Variants in YWHAE observed in about 807,000 individuals in gnomAD.
YWHAE encodes the protein tyrosine 3-monooxygenase/tryptophan 5-monooxygenase activation protein epsilon, also known as 14-3-3 protein epsilon.
In YWHAE, 4 loss-of-function variants were observed where a neutral mutation model predicts 30.1. That is an observed-to-expected ratio of 0.13 (90% confidence interval 0.07 to 0.30). The LOEUF (loss-of-function observed/expected upper bound fraction) is 0.30, where lower values mean the gene tolerates loss of function less well. Among genes scored for constraint, YWHAE ranks in the 10% least tolerant of loss-of-function variants. The probability of loss-of-function intolerance (pLI) is 1.00; values close to 1 mark genes in which losing one functional copy is unlikely to be tolerated. For synonymous variants in YWHAE, 118 were observed against 111.8 expected (o/e 1.06, Z -0.35); for missense variants, 121 against 315.9 (o/e 0.38, Z 4.68).
At chr17:1,363,770 C>G (rs1315641716) in intron 2 of YWHAE, among the ~76,000 whole-genome samples, 1 of 151,986 alleles carries the variant, frequency 6.6e-6, no homozygotes. Context: ...GTGGTTCCCC[C>G]ACCCTTCCCT....
chr17:1,361,835 A>T, intron 3 of YWHAE, 67 bp downstream of exon 3: 1 of 1,068,786 alleles, frequency 9.4e-7, no homozygotes, highest in Non-Finnish European at 1.3e-6. Flanking sequence ...ACCTACATAG[A>T]ACAAAGTTAT....
At chr17:1,370,354 A>C (rs2073017933) in intron 1 of YWHAE, among the ~76,000 whole-genome samples, 1 of 151,364 alleles carries the variant, frequency 6.6e-6, no homozygotes, top group Non-Finnish European at 1.5e-5. Context: ...GACGGTCTCG[A>C]TCTCCTGACC....
intron 5 of YWHAE, among the ~76,000 whole-genome samples, chr17:1,352,690 C>T (rs572106161): frequency 6.6e-6 from 1 of 152,134 alleles, no homozygotes; most frequent in South Asian, 2.1e-4. Flanking sequence ...CACGCCCAGC[C>T]AATTTTTTGT....
rs774567843 is a variant in YWHAE, at chr17:1,400,094, T to A, written c.17A>T (p.Asp6Val). Residue 6 changes from aspartate to valine, a missense_variant, in exon 1 of 6, where the codon GAT (aspartate) becomes GTT (valine). Physicochemically the swap from Asp to Val is radical, Grantham distance 152. Transcript: ENST00000264335. ...GGCCAGCTTCGCCTGGTACACCAGA[T>A]CCTCTCGATCATCCATAGCGGCAGC... is the stretch of plus-strand genomic sequence containing the variant. MDDRE[D>V]LVYQAKLAEQ... is the part of the protein sequence containing the mutation. 6.2e-7 allele frequency: 1 copy of A among 1,613,440 alleles called. No homozygotes were observed. The highest frequency in any genetic ancestry group is 1.7e-5 in the Admixed American group (1 of 59,988).
intron 4 of YWHAE, among the ~76,000 whole-genome samples, chr17:1,354,586 AG>A (rs2072696271): frequency 6.6e-6 from 1 of 152,234 alleles, no homozygotes; most frequent in Non-Finnish European, 1.5e-5. Flanking sequence ...TAAAATACAT[AG>A]AACAACTTCC....
At chr17:1,355,773 G>C (rs1481199630) in intron 4 of YWHAE, among the ~76,000 whole-genome samples, 1 of 152,164 alleles carries the variant, frequency 6.6e-6, no homozygotes, top group Non-Finnish European at 1.5e-5. Flanking sequence ...GGTGGCTCAT[G>C]CCTGTAATCA....
At chr17:1,387,746 C>A (rs1304261635) in intron 1 of YWHAE, among the ~76,000 whole-genome samples, 2 of 151,862 alleles carry the variant, frequency 1.3e-5, no homozygotes, top group African/African-American at 4.8e-5. Context: ...CCTCAGCCTC[C>A]CGAATAGCTG....
chr17:1,357,582 TAA>T (rs964723811), intron 4 of YWHAE, among the ~76,000 whole-genome samples: 1 of 135,090 alleles, frequency 7.4e-6, no homozygotes. Flanking sequence ...TCCGTCAAAA[TAA>T]AAAAAAAAAG....
intron 1 of YWHAE, among the ~76,000 whole-genome samples, chr17:1,380,738 T>TC (rs1267324506): frequency 6.6e-6 from 1 of 152,146 alleles, no homozygotes; most frequent in Non-Finnish European, 1.5e-5. Flanking sequence ...AGAATACAGC[T>TC]CCATTTTTTC....
chr17:1,383,814 A>G (rs997070393), intron 1 of YWHAE, among the ~76,000 whole-genome samples: 1 of 152,138 alleles, frequency 6.6e-6, no homozygotes, highest in Non-Finnish European at 1.5e-5. Context: ...CAATCTCCGC[A>G]CTTTGGGAGG....
intron 1 of YWHAE, chr17:1,399,740 C>G (rs1010602447): frequency 7.4e-5 from 27 of 366,126 alleles, no homozygotes; most frequent in Non-Finnish European, 1.2e-4. Context: ...CCCGCCATCT[C>G]CTCCCCCTCC....
chr17:1,399,203 C>A (rs1349717025), intron 1 of YWHAE: 1 of 152,138 alleles, frequency 6.6e-6, no homozygotes, highest in Non-Finnish European at 1.5e-5. Flanking sequence ...TTCTATCCAT[C>A]AGAACCCACG....
chr17:1,395,743 G>T (rs1026238958), intron 1 of YWHAE, among the ~76,000 whole-genome samples: 1 of 152,166 alleles, frequency 6.6e-6, no homozygotes, highest in Non-Finnish European at 1.5e-5. Flanking sequence ...GTAGTAAAAA[G>T]TTCATTCCAC....
chr17:1,399,935 C>T (rs1467895331), intron 1 of YWHAE, 112 bp downstream of exon 1: 41 of 1,353,820 alleles, frequency 3.0e-5, no homozygotes, highest in Non-Finnish European at 4.1e-5. Context: ...CGAACCCAAG[C>T]CCCCGGGCCA....
chr17:1,355,964 C>A (rs552084089), intron 4 of YWHAE, among the ~76,000 whole-genome samples: 1 of 151,928 alleles, frequency 6.6e-6, no homozygotes, highest in African/African-American at 2.4e-5. Flanking sequence ...GTTAGGAGAT[C>A]GAGACCATCC....
chr17:1,356,141 C>T (rs1473484223), intron 4 of YWHAE, among the ~76,000 whole-genome samples: 1 of 150,852 alleles, frequency 6.6e-6, no homozygotes, highest in Non-Finnish European at 1.5e-5. Flanking sequence ...TGCAGTCCAG[C>T]CTGGGCAACA....
rs890006588 is a variant in YWHAE at position 1,364,646 on chromosome 17, C to T, written c.264+213G>A. ...GATGTGATGAAACCATGGAAAATAC[C>T]AAACCTGATACAGACTATGTTTTGT... On this transcript the variant is annotated intron_variant, in intron 2 of 5. Coordinates refer to ENST00000264335, the MANE Select transcript of YWHAE (RefSeq NM_006761.5). 3 of 601,160 alleles carry T rather than the reference C, an allele frequency of 5.0e-6. No individual in the cohort carries two copies. The African/African-American group carries it at 5.6e-5, about 11-fold the overall frequency. 37.2% of individuals were successfully genotyped at this position (601,160 alleles called of 1,614,324 possible). A position where few individuals can be genotyped will look rare whatever the true frequency, so the allele number is the denominator to read the frequency against.
intron 5 of YWHAE, among the ~76,000 whole-genome samples, chr17:1,353,466 G>GA (rs1325656494): frequency 1.4e-5 from 2 of 143,442 alleles, no homozygotes; most frequent in Admixed American, 7.1e-5. Context: ...GAAAAGAAAA[G>GA]AAAAGAATAA....
At chr17:1,391,397 T>C (rs1368157960) in intron 1 of YWHAE, among the ~76,000 whole-genome samples, 1 of 152,170 alleles carries the variant, frequency 6.6e-6, no homozygotes, top group Non-Finnish European at 1.5e-5. Context: ...TGACAAAATC[T>C]AGTAACAAAT....
Sources: gnomAD v4.1 joint callset for allele counts (sites outside exome capture counted in the v4.1 genomes callset) on GRCh38, gnomAD v4.1.1 for gene constraint, MANE v1.5 for transcripts, NCBI Gene and HGNC (gene_info 2026-07-23, HGNC 2026-07-21) for gene names.